CALN1: variants seen among roughly 807,000 people sequenced by gnomAD.
CALN1 encodes the protein calcium-binding protein 8.
CALN1 carries 17 observed loss-of-function variants against 30.6 expected under a neutral mutation model. That is an observed-to-expected ratio of 0.56 (90% CI 0.38 to 0.83). The LOEUF is 0.83. Ranked by LOEUF, CALN1 falls within the 40% of genes least tolerant of loss-of-function variation. CALN1 has a pLI of 0.00. For missense variants in CALN1, 291 were observed against 354.9 expected (o/e 0.82, Z 1.45); for synonymous variants, 156 against 131.4 (o/e 1.19, Z -1.28).
chr7:71,978,257 GAATT>G (rs1798198659), intron 5 of CALN1, among the ~76,000 whole-genome samples: 1 of 118,194 alleles, frequency 8.5e-6, no homozygotes, highest in Non-Finnish European at 1.7e-5. Context: ...GGACTCTAGA[GAATT>G]CTTTTTTTTT....
In CALN1 at chr7:72,317,114, G is replaced by A. The variant is rs544788333; in HGVS notation, c.120-38304C>T. Among the ~76,000 whole-genome samples the A allele has an allele frequency of 6.5e-5, 9 of 138,782 alleles. No homozygotes were observed. In the South Asian group the frequency reaches 1.9e-3, roughly 29 times the overall value. The allele number at this position is 138,782 out of a possible 152,430, so 91.0% of individuals were successfully genotyped here. A position where few individuals can be genotyped will look rare whatever the true frequency, so the allele number is the denominator to read the frequency against. On this transcript the variant is annotated intron_variant, in intron 2 of 6. Coordinates refer to ENST00000395275, the MANE Select transcript of CALN1 (RefSeq NM_031468.4). ...AGAGAGGGAGGGAGGAAGGGAGGGA[G>A]GGAGAAAAAGAAAGAAAGGGAAGGA...
At chr7:72,448,611 AT>A (rs1034579399), upstream of CALN1, among the ~76,000 whole-genome samples, 8 of 149,894 alleles carry the variant, frequency 5.3e-5, no homozygotes, top group African/African-American at 2.0e-4. Context: ...ACCTTGCGTG[AT>A]CTTTTTTTTT....
the CALN1 span, among the ~76,000 whole-genome samples, chr7:72,473,784 A>C: frequency 1.3e-5 from 2 of 152,094 alleles, no homozygotes; most frequent in Admixed American, 6.6e-5. Context: ...AATACAAAAA[A>C]TTAGCCAGGC....
chr7:72,072,634 C>G (rs1804476991), intron 4 of CALN1, among the ~76,000 whole-genome samples: 1 of 152,102 alleles, frequency 6.6e-6, no homozygotes, highest in Non-Finnish European at 1.5e-5. Context: ...ATTATTGTAA[C>G]ATTGGTTTGT....
intron 3 of CALN1, among the ~76,000 whole-genome samples, chr7:72,128,196 T>C (rs1244473978): frequency 2.0e-5 from 3 of 152,006 alleles, no homozygotes; most frequent in Non-Finnish European, 4.4e-5. Context: ...ATAATGAAAA[T>C]AGGAAAACAC....
chr7:72,047,160 T>C (rs1367808825), intron 4 of CALN1, among the ~76,000 whole-genome samples: 1 of 152,062 alleles, frequency 6.6e-6, no homozygotes, highest in East Asian at 1.9e-4. Flanking sequence ...AAAAACAAAA[T>C]TAACTCCTCC....
At chr7:72,239,876 C>T (rs1165899969) in intron 3 of CALN1, among the ~76,000 whole-genome samples, 1 of 152,160 alleles carries the variant, frequency 6.6e-6, no homozygotes, top group Admixed American at 6.5e-5. Context: ...AAGTGCCTCC[C>T]CTCCTGAAAG....
chr7:72,165,718 A>G (rs1193086431), intron 3 of CALN1, among the ~76,000 whole-genome samples: 4 of 152,136 alleles, frequency 2.6e-5, no homozygotes, highest in Non-Finnish European at 5.9e-5. Flanking sequence ...AAAATTGCCC[A>G]GAAATAAATA....
At chr7:72,141,655 G>A (rs1034412227) in intron 3 of CALN1, among the ~76,000 whole-genome samples, 2 of 151,750 alleles carry the variant, frequency 1.3e-5, no homozygotes, top group African/African-American at 2.4e-5. Flanking sequence ...TGCAACCTCC[G>A]TCTCCTGGGT....
chr7:71,964,568 T>A (rs1035802518), intron 5 of CALN1, among the ~76,000 whole-genome samples: 1 of 152,042 alleles, frequency 6.6e-6, no homozygotes, highest in African/African-American at 2.4e-5. Flanking sequence ...ATCATTAATA[T>A]CATTTTCAAA....
At chr7:71,955,956 C>T (rs971083778) in intron 5 of CALN1, among the ~76,000 whole-genome samples, 1 of 151,080 alleles carries the variant, frequency 6.6e-6, no homozygotes, top group Non-Finnish European at 1.5e-5. Context: ...AGCCCCCAAC[C>T]GAGATAGTAT....
At chr7:72,231,072 A>G (rs1304864698) in intron 3 of CALN1, among the ~76,000 whole-genome samples, 3 of 150,970 alleles carry the variant, frequency 2.0e-5, no homozygotes, top group African/African-American at 7.3e-5. Flanking sequence ...TCTGTCAGTC[A>G]CTCAGTAGCT....
chr7:72,265,903 G>T (rs1212580424), intron 3 of CALN1, among the ~76,000 whole-genome samples: 1 of 152,058 alleles, frequency 6.6e-6, no homozygotes, highest in Non-Finnish European at 1.5e-5. Flanking sequence ...GGAGGCCAAG[G>T]AGGGAGGATC....
At chr7:72,434,046 T>G (rs527780291) in intron 1 of CALN1, among the ~76,000 whole-genome samples, 1 of 150,834 alleles carries the variant, frequency 6.6e-6, no homozygotes, top group South Asian at 2.1e-4. Context: ...GGTGAAAAAG[T>G]GAGACCCTGT....
At chr7:72,036,125 G>T (rs1801780361) in intron 4 of CALN1, among the ~76,000 whole-genome samples, 1 of 152,178 alleles carries the variant, frequency 6.6e-6, no homozygotes, top group Non-Finnish European at 1.5e-5. Context: ...TTCCATTCTT[G>T]ATTGACAGGT....
chr7:71,892,140 T>C (rs1443838589), intron 5 of CALN1, among the ~76,000 whole-genome samples: 1 of 152,168 alleles, frequency 6.6e-6, no homozygotes, highest in African/African-American at 2.4e-5. Context: ...CTTGGCCACA[T>C]TGAATATTTT....
At chr7:72,197,207 CAG>C (rs1487059959) in intron 3 of CALN1, among the ~76,000 whole-genome samples, 2 of 70,550 alleles carry the variant, frequency 2.8e-5, no homozygotes, top group Non-Finnish European at 4.6e-5. Flanking sequence ...TTTTTTGAGA[CAG>C]AGTCTCACTC....
chr7:71,835,772 G>A (rs1348734114), intron 5 of CALN1, among the ~76,000 whole-genome samples: 2 of 152,132 alleles, frequency 1.3e-5, no homozygotes, highest in South Asian at 2.1e-4. Flanking sequence ...GAAACACACC[G>A]ACCCCACTAG....
upstream of CALN1, among the ~76,000 whole-genome samples, chr7:72,448,760 C>T (rs1386681796): frequency 1.3e-5 from 2 of 152,102 alleles, no homozygotes; most frequent in African/African-American, 4.8e-5. Context: ...TGTGCACCAC[C>T]ATGCCCGGAT....
Sources: gnomAD v4.1 joint callset for allele counts (sites outside exome capture counted in the v4.1 genomes callset) on GRCh38, gnomAD v4.1.1 for gene constraint, MANE v1.5 for transcripts, NCBI Gene and HGNC (gene_info 2026-07-23, HGNC 2026-07-21) for gene names.